Variants in GAPDH observed in about 807,000 individuals in gnomAD.
GAPDH encodes the protein glyceraldehyde-3-phosphate dehydrogenase, also known as OCAS, p38 component.
Under a neutral mutation model 31.2 loss-of-function variants are expected in GAPDH, and 13 were observed. The ratio of observed to expected loss-of-function variants is 0.42; its 90% confidence interval spans 0.27 to 0.66. GAPDH has a LOEUF of 0.66. GAPDH is among the 30% of genes least tolerant of loss of function. GAPDH has a pLI of 0.26. For synonymous variants in GAPDH, 211 were observed against 166.9 expected (o/e 1.26, Z -2.04); for missense variants, 300 against 443.7 (o/e 0.68, Z 2.91).
intron 1 of GAPDH, 33 bp downstream of exon 1, chr12:6,534,602 A>G: frequency 3.5e-6 from 2 of 572,710 alleles, no homozygotes; most frequent in Non-Finnish European, 6.1e-6. Context: ...CCGGGAGGCT[A>G]GGGACGGCCT....
In GAPDH at chr12:6,537,370, G is replaced by A; in HGVS notation, c.505G>A (p.Gly169Ser). 2 of 1,609,358 alleles carry A rather than the reference G, an allele frequency of 1.2e-6. No homozygotes were observed. Among genetic ancestry groups the A allele is most frequent in the Non-Finnish European group, 1.7e-6 (2 of 1,179,904 alleles). Residue 169 changes from glycine (G) to serine (S), a missense_variant, in exon 7 of 9, where the codon GGT becomes AGT. Physicochemically the swap from Gly to Ser is moderately conservative, Grantham distance 56 (BLOSUM62 0). Coordinates refer to ENST00000229239, the MANE Select transcript of GAPDH (RefSeq NM_002046.7). This position sits in a 1 kb window ranked among gnomAD's most constrained non-coding sequence, Gnocchi z 4.9. ...GGCCAAGGTCATCCATGACAACTTT[G>A]GTATCGTGGAAGGACTCATGGTATG... ...PLAKVIHDNF[G>S]IVEGLMTTVH...
chr12:6,535,459 A>G, intron 2 of GAPDH: 5 of 986,822 alleles, frequency 5.1e-6, no homozygotes, highest in Non-Finnish European at 6.0e-6. Context: ...CTTTTCCTAG[A>G]TTATTCTCTG....
At chr12:6,535,780 C>T (rs1040662024) in intron 2 of GAPDH, among the ~76,000 whole-genome samples, 2 of 152,142 alleles carry the variant, frequency 1.3e-5, no homozygotes, top group Non-Finnish European at 2.9e-5. Context: ...CTTCCGGAAA[C>T]CAGATCTCCC....
At position 6,537,006 on chromosome 12, in the gene GAPDH, C is replaced by G; in HGVS notation, c.323C>G (p.Ala108Gly). 3 of 1,613,672 alleles carry G rather than the reference C, an allele frequency of 1.9e-6. No individual in the cohort carries two copies. The highest frequency in any genetic ancestry group is 2.5e-6 in the Non-Finnish European group (3 of 1,179,698). The stretch of plus-strand genomic sequence containing the variant: ...GGCGTCTTCACCACCATGGAGAAGG[C>G]TGGGGTGAGTGCAGGAGGGCCCGCG... ...STGVFTTMEK[A>G]GAHLQGGAKR... Residue 108 changes from alanine to glycine, a missense_variant, in exon 5 of 9, where the codon GCT (alanine) becomes GGT (glycine). Transcript: ENST00000229239. This position sits in a 1 kb window ranked among gnomAD's most constrained non-coding sequence, Gnocchi z 4.9.
intron 2 of GAPDH, 154 bp downstream of exon 2, chr12:6,535,015 C>T: frequency 1.1e-6 from 1 of 941,650 alleles, no homozygotes; most frequent in Non-Finnish European, 1.6e-6. Context: ...CCTGGCGGAG[C>T]CCCGCACCCA....
intron 1 of GAPDH, 92 bp downstream of exon 1, chr12:6,534,661 G>C (rs915018122): frequency 1.0e-4 from 74 of 728,726 alleles, no homozygotes; most frequent in Non-Finnish European, 1.6e-4. Context: ...GCCGCTGCGG[G>C]GTGGGCCCGG....
rs1946495299 is a variant in GAPDH, at chr12:6,537,274, C to T, written c.444-35C>T. The T allele has an allele frequency of 1.9e-6, 3 of 1,599,450 alleles. No individual in the cohort carries two copies. Among genetic ancestry groups the T allele is most frequent in the Non-Finnish European group, 2.5e-6 (3 of 1,177,534 alleles). ...AGCCTGGCACCCTATGGACACGCTCCCCTGACTTGCGCCCCGCTCCCTCTT... is the reference window on the plus strand; with the variant it reads ...AGCCTGGCACCCTATGGACACGCTCTCCTGACTTGCGCCCCGCTCCCTCTT... On this transcript the variant is annotated intron_variant, in intron 6 of 8. Coordinates refer to ENST00000229239, the MANE Select transcript of GAPDH (RefSeq NM_002046.7). This position sits in a 1 kb window ranked among gnomAD's most constrained non-coding sequence, Gnocchi z 4.9.
rs1045922471 is a variant in GAPDH at position 6,536,565 on chromosome 12, A to G, written c.101A>G (p.Asn34Ser). Residue 34 changes from asparagine (N) to serine (S), a missense_variant, in exon 3 of 9, where the codon AAT becomes AGT. Coordinates refer to ENST00000229239, the MANE Select transcript of GAPDH (RefSeq NM_002046.7). ...NSGKVDIVAI[N>S]DPFIDLNYMV... ...GGTAAAGTGGATATTGTTGCCATCA[A>G]TGACCCCTTCATTGACCTCAACTAC... The G allele has an allele frequency of 3.1e-6, 5 of 1,613,910 alleles. No individual in the cohort carries two copies. The highest frequency in any genetic ancestry group is 2.2e-5 in the East Asian group (1 of 44,882).
rs769671313 is a variant in GAPDH at position 6,537,359 on chromosome 12, A to G, written c.494A>G (p.His165Arg). 7.5e-6 allele frequency: 12 copies of G among 1,609,616 alleles called. No individual in the cohort carries two copies. The highest frequency in any genetic ancestry group is 1.3e-5 in the African/African-American group (1 of 74,882). ...TTAGCACCCCTGGCCAAGGTCATCC[A>G]TGACAACTTTGGTATCGTGGAAGGA... is the stretch of plus-strand genomic sequence containing the variant. ...NCLAPLAKVI[H>R]DNFGIVEGLM... The change falls in exon 7 of 9, where the codon CAT becomes CGT. Residue 165 changes from histidine to arginine, a missense_variant. Coordinates refer to ENST00000229239, the MANE Select transcript of GAPDH (RefSeq NM_002046.7). The surrounding 1 kb of genome is among the most constrained non-coding windows in gnomAD (Gnocchi z 4.9).
intron 2 of GAPDH, among the ~76,000 whole-genome samples, chr12:6,535,958 G>C (rs1197802277): frequency 6.6e-6 from 1 of 152,194 alleles, no homozygotes; most frequent in East Asian, 1.9e-4. Flanking sequence ...GCAAATCAAA[G>C]CCCTGGGACT....
chr12:6,534,676 C>G (rs1946417811), intron 1 of GAPDH, 107 bp downstream of exon 1: 1 of 818,316 alleles, frequency 1.2e-6, no homozygotes. Context: ...GCCCGGGCGG[C>G]CTCCGCATTG....
In GAPDH at chr12:6,537,935, TCCA is replaced by T; in HGVS notation, c.880_882del (p.Thr294del). On this transcript the variant is annotated inframe_deletion, in exon 8 of 9. Coordinates refer to ENST00000229239, the MANE Select transcript of GAPDH (RefSeq NM_002046.7). This position sits in a 1 kb window ranked among gnomAD's most constrained non-coding sequence, Gnocchi z 4.9. ...TGACTTCAACAGCGACACCCACTCC[TCCA>T]CCTTTGACGCTGGGGCTGGCATTGC... is the stretch of plus-strand genomic sequence containing the variant. 6.2e-7 allele frequency: 1 copy of T among 1,614,142 alleles called. No individual in the cohort carries two copies. The highest frequency in any genetic ancestry group is 8.5e-7 in the Non-Finnish European group (1 of 1,180,012).
chr12:6,536,907 C>G lies in GAPDH; in HGVS notation c.237-13C>G, dbSNP rs1946482398. On this transcript the variant is annotated splice_polypyrimidine_tract_variant and intron_variant, in intron 4 of 8. Coordinates refer to ENST00000229239, the MANE Select transcript of GAPDH (RefSeq NM_002046.7). ...AATATGGTCCTGTCCCCATCTCCCC[C>G]CCACCCCCATAGGCGAGATCCCTCC... 3 of 1,609,246 alleles carry G rather than the reference C, an allele frequency of 1.9e-6. No individual in the cohort carries two copies. Among genetic ancestry groups the G allele is most frequent in the Non-Finnish European group, 8.5e-7 (1 of 1,175,888 alleles).
At position 6,536,723 on chromosome 12, in the gene GAPDH, C is replaced by T. The variant is rs1403484426; in HGVS notation, c.169C>T (p.His57Tyr). 1.2e-6 allele frequency: 2 copies of T among 1,614,034 alleles called. No individual in the cohort carries two copies. Among genetic ancestry groups the T allele is most frequent in the East Asian group, 2.2e-5 (1 of 44,878 alleles). Residue 57 changes from histidine (H) to tyrosine (Y), a missense_variant, in exon 4 of 9, where the codon CAT (histidine) becomes TAT (tyrosine). By Grantham distance (83) the His-to-Tyr change is moderately conservative. Coordinates refer to ENST00000229239, the MANE Select transcript of GAPDH (RefSeq NM_002046.7). ...FQYDSTHGKF[H>Y]GTVKAENGKL... is the part of the protein sequence containing the mutation. ...ATATGATTCCACCCATGGCAAATTC[C>T]ATGGCACCGTCAAGGCTGAGAACGG...
At chr12:6,538,044 G>T in intron 8 of GAPDH, 48 bp downstream of exon 8, 1 of 1,597,730 alleles carries the variant, frequency 6.3e-7, no homozygotes, top group Non-Finnish European at 8.5e-7. Context: ...GCAGGGTCTG[G>T]CGCCCTCTGG....
intron 2 of GAPDH, among the ~76,000 whole-genome samples, chr12:6,535,797 C>T (rs1946450540): frequency 6.6e-6 from 1 of 152,176 alleles, no homozygotes; most frequent in African/African-American, 2.4e-5. Context: ...TCCCACCGCA[C>T]CCTGGTCTGA....
chr12:6,534,961 G>C, intron 2 of GAPDH, 100 bp downstream of exon 2: 1 of 1,320,028 alleles, frequency 7.6e-7, no homozygotes, highest in East Asian at 2.3e-5. Context: ...TATGGGGGCA[G>C]GGTAGCTGTT....
rs1213257920 is a variant in GAPDH, at chr12:6,537,311, A to G, written c.446A>G (p.Asn149Ser). The G allele has an allele frequency of 3.7e-6, 6 of 1,611,188 alleles. No homozygotes were observed. The highest frequency in any genetic ancestry group is 1.3e-5 in the African/African-American group (1 of 74,982). ...KYDNSLKIIS[N>S]ASCTTNCLAP... The stretch of plus-strand genomic sequence containing the variant: ...CCCCGCTCCCTCTTTCTTTGCAGCA[A>G]TGCCTCCTGCACCACCAACTGCTTA... The change falls in exon 7 of 9, where the codon AAT becomes AGT. Residue 149 changes from asparagine (N) to serine (S), a missense_variant and splice_region_variant. Transcript: ENST00000229239. This position sits in a 1 kb window ranked among gnomAD's most constrained non-coding sequence, Gnocchi z 4.9.
rs140793249 is a variant in GAPDH at position 6,536,572 on chromosome 12, C to G, written c.108C>G (p.Pro36=). The change falls in exon 3 of 9, where the codon CCC becomes CCG. Residue 36 remains proline, a synonymous_variant. Transcript: ENST00000229239. ...TGGATATTGTTGCCATCAATGACCC[C>G]TTCATTGACCTCAACTACATGGTGA... The part of the protein sequence containing the change: ...GKVDIVAIND[P]FIDLNYMVYM... 6.2e-7 allele frequency: 1 copy of G among 1,613,062 alleles called. No homozygotes were observed. Among genetic ancestry groups the G allele is most frequent in the South Asian group, 1.1e-5 (1 of 91,066 alleles).
Sources: allele counts gnomAD v4.1 joint callset (sites outside exome capture counted in the v4.1 genomes callset), GRCh38; gene constraint gnomAD v4.1.1; non-coding constraint Gnocchi (gnomAD v3.1); transcripts MANE v1.5; gene names NCBI Gene and HGNC (gene_info 2026-07-23, HGNC 2026-07-21).